Variants in SFI1 observed in about 807,000 individuals in gnomAD.
SFI1 encodes SFI1 centrin binding protein.
SFI1 carries 195 observed loss-of-function variants against 207.5 expected under a neutral mutation model. The observed-to-expected ratio is 0.94, with a 90% CI of 0.84 to 1.06. The LOEUF (loss-of-function observed/expected upper bound fraction) is 1.06, where lower values mean the gene tolerates loss of function less well. Ranked by LOEUF, SFI1 falls within the 50% of genes least tolerant of loss-of-function variation. SFI1 has a pLI of 0.00. For missense variants in SFI1, 1,634 were observed against 1,588.0 expected (o/e 1.03, Z -0.49); for synonymous variants, 630 against 598.9 (o/e 1.05, Z -0.76).
chr22:31,530,758 G>T (rs1341858105), intron 3 of SFI1: 67 of 422,242 alleles, frequency 1.6e-4, no homozygotes, highest in Non-Finnish European at 4.7e-6. Flanking sequence ...TAGGCAGGAA[G>T]AATAATATGA....
At chr22:31,528,589 A>G in intron 2 of SFI1, 101 bp from the exon 3 acceptor site, 1 of 1,070,714 alleles carries the variant, frequency 9.3e-7, no homozygotes, top group Non-Finnish European at 1.4e-6. Flanking sequence ...GTCAGTCTCA[A>G]TGAGCTTATC....
chr22:31,510,692 C>T (rs1175863974), intron 2 of SFI1, among the ~76,000 whole-genome samples: 2 of 152,166 alleles, frequency 1.3e-5, no homozygotes, highest in Non-Finnish European at 2.9e-5. Context: ...CCTCGGCCTC[C>T]CAAAGTACTG....
intron 22 of SFI1, 149 bp from the exon 23 acceptor site, chr22:31,610,994 C>T (rs1603350861): frequency 9.8e-7 from 1 of 1,018,800 alleles, no homozygotes; most frequent in Non-Finnish European, 1.5e-6. Flanking sequence ...AGAGAGGGGC[C>T]ATGGTCCATG....
rs2063805833 is a variant in SFI1, at chr22:31,579,036, G to A, written c.1155+584G>A. On this transcript the variant is annotated intron_variant, in intron 11 of 32. Coordinates refer to ENST00000400288, the MANE Select transcript of SFI1 (RefSeq NM_001007467.3). Reference sequence around the variant, plus strand: ...GATGCGGTCTCACTATGTTGTCCAGGCTAGATTCAAACTTCTGGGCTCAAG... The same window carrying A: ...GATGCGGTCTCACTATGTTGTCCAGACTAGATTCAAACTTCTGGGCTCAAG... Among the ~76,000 whole-genome samples the A allele has an allele frequency of 2.0e-5, 3 of 152,248 alleles. No individual in the cohort carries two copies. In the South Asian group the frequency reaches 6.2e-4, roughly 32 times the overall value.
intron 10 of SFI1, among the ~76,000 whole-genome samples, chr22:31,576,466 G>A (rs113915224): frequency 2.1e-4 from 31 of 146,250 alleles, no homozygotes; most frequent in Non-Finnish European, 2.9e-4. Flanking sequence ...GATTACAGGC[G>A]GCCACCACCA....
At chr22:31,574,973 C>T (rs142042027) in intron 9 of SFI1, among the ~76,000 whole-genome samples, 1,774 of 151,462 alleles carry the variant, frequency 0.012, 33 homozygotes, top group African/African-American at 0.04. Context: ...GCAGGAGAAT[C>T]GCTGGAACCT....
intron 4 of SFI1, among the ~76,000 whole-genome samples, chr22:31,545,313 C>T (rs1186536674): frequency 6.6e-6 from 1 of 151,082 alleles, no homozygotes; most frequent in African/African-American, 2.4e-5. Flanking sequence ...TGCGATGAAC[C>T]GAGATCACAC....
In SFI1 at chr22:31,615,280, G is replaced by A. The variant is rs749964015; in HGVS notation, c.3300+1G>A. 8 of 1,486,090 alleles carry A rather than the reference G, an allele frequency of 5.4e-6. No homozygotes were observed. The South Asian group carries it at 5.5e-5, about 10-fold the overall frequency. The allele number at this position is 1,486,090 out of a possible 1,614,324, so 92.1% of individuals were successfully genotyped here. ...CTGCGGGGCGGCTGCACCAGCCAGG[G>A]TACGTCCTCCACCACCAGGCCTGGG... is the stretch of plus-strand genomic sequence containing the variant. On this transcript the variant is annotated splice_donor_variant, in intron 29 of 32. Coordinates refer to ENST00000400288, the MANE Select transcript of SFI1 (RefSeq NM_001007467.3). LOFTEE classifies it high-confidence loss of function.
At position 31,615,110 on chromosome 22, in the gene SFI1, G is replaced by C. The variant is rs766465517; in HGVS notation, c.3131G>C (p.Arg1044Pro). ...CAGCCAGCAGCCCCCTCCCTGACGC[G>C]GCCCTTCCTGGCAGAGGCCCCGACA... ...MAQPAAPSLTRPFLAEAPTAL... is the reference protein window; with the variant it reads ...MAQPAAPSLTPPFLAEAPTAL... Residue 1044 changes from arginine to proline, a missense_variant, in exon 29 of 33, where the codon CGG becomes CCG. Transcript: ENST00000400288. 1 of 1,606,220 alleles carries C rather than the reference G, an allele frequency of 6.2e-7. No homozygotes were observed. Among genetic ancestry groups the C allele is most frequent in the African/African-American group, 1.3e-5 (1 of 74,728 alleles).
intron 15 of SFI1, among the ~76,000 whole-genome samples, chr22:31,596,363 G>A (rs1188835637): frequency 6.6e-6 from 1 of 152,184 alleles, no homozygotes; most frequent in Non-Finnish European, 1.5e-5. Flanking sequence ...GAAGTCCAGG[G>A]AGATGGTTTT....
At chr22:31,565,242 C>T (rs1019463891) in intron 8 of SFI1, among the ~76,000 whole-genome samples, 1 of 152,026 alleles carries the variant, frequency 6.6e-6, no homozygotes, top group African/African-American at 2.4e-5. Flanking sequence ...TATGATTGTT[C>T]TCCTATATTC....
At chr22:31,550,180 G>C (rs1417227190) in intron 5 of SFI1, 74 bp from the exon 6 acceptor site, 1 of 1,139,384 alleles carries the variant, frequency 8.8e-7, no homozygotes, top group East Asian at 2.4e-5. Flanking sequence ...CAAAGTGCTA[G>C]GGTTACAGGT....
At chr22:31,504,289 A>C (rs763846806) in intron 1 of SFI1, among the ~76,000 whole-genome samples, 1 of 152,168 alleles carries the variant, frequency 6.6e-6, no homozygotes, top group Non-Finnish European at 1.5e-5. Context: ...TATTTATAGA[A>C]ATAATCACTT....
intron 2 of SFI1, among the ~76,000 whole-genome samples, chr22:31,510,761 A>G (rs1017775437): frequency 6.6e-6 from 1 of 152,064 alleles, no homozygotes; most frequent in Non-Finnish European, 1.5e-5. Flanking sequence ...AATTTTGGTA[A>G]TTTCAGTTTT....
At chr22:31,604,815 A>C (rs1230543340) in intron 19 of SFI1, 54 bp from the exon 20 acceptor site, 15 of 1,545,806 alleles carry the variant, frequency 9.7e-6, no homozygotes, top group Non-Finnish European at 1.3e-5. Flanking sequence ...GGCCTGCCTA[A>C]ACAGGGGGAA....
chr22:31,530,739 C>T (rs3818134), intron 3 of SFI1: 285,384 of 413,216 alleles, frequency 0.69, 99,912 homozygotes, highest in Non-Finnish European at 0.73. Context: ...AGGCATTTGC[C>T]GGCCATTTTA....
At chr22:31,602,461 C>A in intron 16 of SFI1, 146 bp from the exon 17 acceptor site, 1 of 1,125,096 alleles carries the variant, frequency 8.9e-7, no homozygotes, top group Non-Finnish European at 1.3e-6. Flanking sequence ...CTCAGTGGAG[C>A]CTACAGACAG....
At chr22:31,556,654 AT>A (rs2061198034) in intron 6 of SFI1, among the ~76,000 whole-genome samples, 1 of 152,192 alleles carries the variant, frequency 6.6e-6, no homozygotes, top group East Asian at 1.9e-4. Flanking sequence ...TCGTCTAAAA[AT>A]TGCAGAGTAT....
chr22:31,523,946 C>CTT (rs563840359), intron 2 of SFI1, among the ~76,000 whole-genome samples: 78 of 135,786 alleles, frequency 5.7e-4, no homozygotes, highest in South Asian at 2.3e-3. Flanking sequence ...GCAAGGACTA[C>CTT]TTTTTTTTTT....
Sources: gnomAD v4.1 joint callset for allele counts (sites outside exome capture counted in the v4.1 genomes callset) on GRCh38, gnomAD v4.1.1 for gene constraint, MANE v1.5 for transcripts, NCBI Gene and HGNC (gene_info 2026-07-23, HGNC 2026-07-21) for gene names.